BABAM2: variants seen among roughly 807,000 people sequenced by gnomAD.
BABAM2 encodes BRISC and BRCA1 A complex member 2.
BABAM2 carries 31 observed loss-of-function variants against 54.7 expected under a neutral mutation model. The ratio of observed to expected loss-of-function variants is 0.57; its 90% CI spans 0.43 to 0.77. The LOEUF is 0.77. Ranked by LOEUF, BABAM2 falls within the 30% of genes least tolerant of loss-of-function variation. The pLI is 0.00. For missense variants in BABAM2, 364 were observed against 455.8 expected, an observed-to-expected ratio of 0.80 and a Z score of 1.83; for synonymous variants, 167 against 162.9, an observed-to-expected ratio of 1.03 and a Z score of -0.19.
intron 3 of BABAM2, among the ~76,000 whole-genome samples, chr2:27,932,376 G>A (rs1272511097): frequency 6.6e-6 from 1 of 151,988 alleles, no homozygotes; most frequent in African/African-American, 2.4e-5. Context: ...GTTTTCTTCT[G>A]TTATCTGAAT....
Position 27,995,480 on chromosome 2 carries a change from A to T in BABAM2, c.300+7393A>T, listed in dbSNP as rs1465948142. On this transcript the variant is annotated intron_variant, in intron 4 of 11. Coordinates refer to ENST00000379624, the MANE Select transcript of BABAM2 (RefSeq NM_199191.3). This position sits in a 1 kb window ranked among gnomAD's most constrained non-coding sequence, Gnocchi z 4.1. Reference sequence around the variant, plus strand: ...GGGTAAAGCAGAATGGCTTTGGGAGATGAGAGGCAATAAATGAATGAATAG... The same window carrying T: ...GGGTAAAGCAGAATGGCTTTGGGAGTTGAGAGGCAATAAATGAATGAATAG... 6.6e-6 allele frequency among the ~76,000 whole-genome samples: 1 copy of T among 152,056 alleles called. No individual in the cohort carries two copies. The highest frequency in any genetic ancestry group is 1.5e-5 in the Non-Finnish European group (1 of 68,004).
At chr2:28,290,496 A>G (rs554226926) in intron 10 of BABAM2, among the ~76,000 whole-genome samples, 2 of 152,304 alleles carry the variant, frequency 1.3e-5, no homozygotes, top group Middle Eastern at 3.4e-3. Flanking sequence ...TTGTCAATCA[A>G]ATGGGCATGA....
chr2:27,892,278 T>C (rs1298969003), intron 1 of BABAM2: 1 of 152,086 alleles, frequency 6.6e-6, no homozygotes, highest in Non-Finnish European at 1.5e-5. Context: ...GGGAACAGAG[T>C]TGGGGAAATG....
chr2:28,047,157 G>T (rs72812594), intron 6 of BABAM2, among the ~76,000 whole-genome samples: 1 of 152,026 alleles, frequency 6.6e-6, no homozygotes, highest in Admixed American at 6.5e-5. Context: ...CCCAAGAGTT[G>T]TAAAGTCCAA....
intron 1 of BABAM2, chr2:27,892,483 A>G (rs1252571067): frequency 6.6e-6 from 1 of 152,186 alleles, no homozygotes; most frequent in Non-Finnish European, 1.5e-5. Context: ...AGATAGGTAT[A>G]TTTGTACTTA....
intron 6 of BABAM2, among the ~76,000 whole-genome samples, chr2:28,118,042 G>A (rs1380049112): frequency 6.6e-6 from 1 of 152,160 alleles, no homozygotes; most frequent in Non-Finnish European, 1.5e-5. Context: ...TAAACTTGTT[G>A]GGCTCTTGGA....
At chr2:28,314,483 A>G (rs1689344994) in intron 11 of BABAM2, among the ~76,000 whole-genome samples, 1 of 152,234 alleles carries the variant, frequency 6.6e-6, no homozygotes. Context: ...TGCAGGGTCT[A>G]GGCTGTTTGC....
chr2:28,213,708 A>T (rs1363986386), intron 7 of BABAM2, among the ~76,000 whole-genome samples: 1 of 152,148 alleles, frequency 6.6e-6, no homozygotes, highest in Non-Finnish European at 1.5e-5. Context: ...ATCAGAATTA[A>T]AATACATTTT....
chr2:28,235,172 A>T (rs1378630871), intron 7 of BABAM2, among the ~76,000 whole-genome samples: 1 of 152,102 alleles, frequency 6.6e-6, no homozygotes, highest in Non-Finnish European at 1.5e-5. Flanking sequence ...CAAACACAAA[A>T]TTTATTTATT....
At chr2:28,252,565 T>C (rs1558474242) in intron 10 of BABAM2, among the ~76,000 whole-genome samples, 1 of 152,202 alleles carries the variant, frequency 6.6e-6, no homozygotes, top group East Asian at 1.9e-4. Flanking sequence ...ATCTTTAGAG[T>C]TTACTTCCAG....
intron 11 of BABAM2, among the ~76,000 whole-genome samples, chr2:28,315,945 T>C (rs539248967): frequency 2.7e-4 from 41 of 152,262 alleles, no homozygotes; most frequent in African/African-American, 9.4e-4. Flanking sequence ...TAAAGGAATG[T>C]TTGGCTTGGG....
chr2:28,330,430 A>G (rs1381271531), intron 11 of BABAM2, among the ~76,000 whole-genome samples: 2 of 152,034 alleles, frequency 1.3e-5, no homozygotes, highest in Non-Finnish European at 2.9e-5. Flanking sequence ...TATCTAGAAA[A>G]CCCCATTGTC....
chr2:27,973,028 A>C (rs1166881863), intron 3 of BABAM2, among the ~76,000 whole-genome samples: 5 of 151,938 alleles, frequency 3.3e-5, no homozygotes, highest in Non-Finnish European at 5.9e-5. Context: ...TCGGCCTCCC[A>C]AAGTGCTAGG....
intron 7 of BABAM2, among the ~76,000 whole-genome samples, chr2:28,139,193 C>T (rs1010977629): frequency 3.6e-4 from 54 of 151,734 alleles, no homozygotes; most frequent in African/African-American, 1.0e-3. Context: ...TCTAGGAGTC[C>T]GAGGCAGGGG....
intron 7 of BABAM2, chr2:28,233,461 T>TA: frequency 2.9e-6 from 1 of 344,556 alleles, no homozygotes; most frequent in South Asian, 2.3e-5. Flanking sequence ...TCTGAAAACA[T>TA]AATGACTCTT....
intron 10 of BABAM2, among the ~76,000 whole-genome samples, chr2:28,274,894 T>TGGGCTG (rs1196617036): frequency 2.0e-5 from 3 of 152,196 alleles, no homozygotes; most frequent in African/African-American, 7.2e-5. Flanking sequence ...ATCAACTTTG[T>TGGGCTG]GGGCTGAGGC....
chr2:28,082,940 C>T (rs1400327715), intron 6 of BABAM2, among the ~76,000 whole-genome samples: 1 of 152,154 alleles, frequency 6.6e-6, no homozygotes, highest in African/African-American at 2.4e-5. Context: ...TCATTGCTGA[C>T]TCTGTCAACC....
chr2:27,923,348 C>T (rs1025113142), intron 2 of BABAM2, among the ~76,000 whole-genome samples: 14 of 152,124 alleles, frequency 9.2e-5, no homozygotes, highest in African/African-American at 3.1e-4. Context: ...TGTGTAAAAC[C>T]GTGGCTCATG....
At chr2:28,134,270 G>A (rs1670349558) in intron 7 of BABAM2, 1 of 151,832 alleles carries the variant, frequency 6.6e-6, no homozygotes, top group South Asian at 2.1e-4. Context: ...ATTAGAAAAG[G>A]GGAAAAAATA....
Sources: gnomAD v4.1 joint callset for allele counts (sites outside exome capture counted in the v4.1 genomes callset) on GRCh38, gnomAD v4.1.1 for gene constraint, Gnocchi (gnomAD v3.1) non-coding constraint, MANE v1.5 for transcripts, NCBI Gene and HGNC (gene_info 2026-07-23, HGNC 2026-07-21) for gene names.